Variants in FLRT2 observed in about 807,000 individuals in gnomAD.
FLRT2 encodes the protein fibronectin leucine rich transmembrane protein 2, also known as leucine-rich repeat transmembrane protein FLRT2.
In FLRT2, 15 loss-of-function variants were observed where a neutral mutation model predicts 40.0. The ratio of observed to expected loss-of-function variants is 0.38; its 90% confidence interval spans 0.25 to 0.58. The LOEUF is 0.58. Among genes scored for constraint, FLRT2 ranks in the 20% least tolerant of loss-of-function variants. The probability of loss-of-function intolerance (pLI) is 0.71; values close to 1 mark genes in which losing one functional copy is unlikely to be tolerated. For synonymous variants in FLRT2, 380 were observed against 336.8 expected (o/e 1.13, Z -1.41); for missense variants, 726 against 840.0 (o/e 0.86, Z 1.68).
rs1282453244 is a variant in FLRT2, at chr14:85,645,595, T to C, written c.*22098T>C. 6.6e-6 allele frequency: 1 copy of C among 152,044 alleles called. No homozygotes were observed. Among genetic ancestry groups the C allele is most frequent in the Non-Finnish European group, 1.5e-5 (1 of 67,998 alleles). The allele number at this position is 152,044 out of a possible 1,614,324, so 9.4% of individuals were successfully genotyped here. ...TAAGGAGACTTAGGGAAGAAATACG[T>C]GTTAAGGATTGTTCATAAGTGGCAG... On this transcript the variant is annotated 3_prime_UTR_variant, in exon 2 of 2. Coordinates refer to ENST00000330753, the MANE Select transcript of FLRT2 (RefSeq NM_013231.6).
chr14:85,555,734 T>TTATTTTATTTTATTTTATTTTA (rs1566725213), intron 1 of FLRT2, among the ~76,000 whole-genome samples: 2 of 148,236 alleles, frequency 1.3e-5, no homozygotes, highest in Non-Finnish European at 1.5e-5. Context: ...TTATTTTATT[T>TTATTTTATTTTATTTTATTTTA]TTTTAGAGAT....
In FLRT2 at chr14:85,624,899, A is replaced by G. The variant is rs776245690; in HGVS notation, c.*1402A>G. 1 of 167,056 alleles carries G rather than the reference A, an allele frequency of 6.0e-6. No individual in the cohort carries two copies. The highest frequency in any genetic ancestry group is 1.5e-5 in the Non-Finnish European group (1 of 68,112). 10.3% of individuals were successfully genotyped at this position (167,056 alleles called of 1,614,324 possible). On this transcript the variant is annotated 3_prime_UTR_variant, in exon 2 of 2. Transcript: ENST00000330753. ...CTTGGACTGACTTTGATCCTGTTCC[A>G]CTTTTGAAATTTTATTTGTTCCTTT...
chr14:85,612,159 A>T, intron 1 of FLRT2, among the ~76,000 whole-genome samples: 1 of 136,542 alleles, frequency 7.3e-6, no homozygotes, highest in Admixed American at 7.4e-5. Flanking sequence ...AAAAAAAAAA[A>T]CACAGTTAAG....
In FLRT2 at chr14:85,631,112, T is replaced by TTATATATATATATATTTATATATA; in HGVS notation, c.*7630_*7631insTTATATATATATATATATATATAT. The TTATATATATATATATTTATATATA allele has an allele frequency of 1.1e-5, 1 of 91,862 alleles. No individual in the cohort carries two copies. The highest frequency in any genetic ancestry group is 3.6e-4 in the East Asian group (1 of 2,796). The allele number at this position is 91,862 out of a possible 1,614,324, so 5.7% of individuals were successfully genotyped here. Reference sequence around the variant, plus strand: ...TATAATTACATATATAATCTAGATTTTATATATATATATATATGAAATGAG... The same window carrying TTATATATATATATATTTATATATA: ...TATAATTACATATATAATCTAGATTTTATATATATATATATTTATATATATATATATATATATATATGAAATGAG... On this transcript the variant is annotated 3_prime_UTR_variant, in exon 2 of 2. Transcript: ENST00000330753.
chr14:85,621,506 A>T lies in FLRT2; in HGVS notation c.-9A>T, dbSNP rs1415122242. ...CCACCACATTGTATTTTATTTCCGT[A>T]CTTCAGAAATGGGCCTACAGACCAC... On this transcript the variant is annotated 5_prime_UTR_variant, in exon 2 of 2. Coordinates refer to ENST00000330753, the MANE Select transcript of FLRT2 (RefSeq NM_013231.6). The T allele has an allele frequency of 9.0e-6, 14 of 1,559,472 alleles. No homozygotes were observed. Among genetic ancestry groups the T allele is most frequent in the Non-Finnish European group, 1.2e-5 (14 of 1,156,794 alleles).
At chr14:85,590,283 G>A (rs560365208) in intron 1 of FLRT2, among the ~76,000 whole-genome samples, 3 of 152,156 alleles carry the variant, frequency 2.0e-5, no homozygotes, top group South Asian at 2.1e-4. Flanking sequence ...TTTGCTAGCC[G>A]TGTGACAGAG....
chr14:85,620,931 A>G (rs1893352012), intron 1 of FLRT2, among the ~76,000 whole-genome samples: 1 of 152,242 alleles, frequency 6.6e-6, no homozygotes, highest in Admixed American at 6.5e-5. Context: ...AGGTAATAGC[A>G]TGATGTCCTT....
At chr14:85,613,163 T>C (rs1892971469) in intron 1 of FLRT2, among the ~76,000 whole-genome samples, 1 of 152,034 alleles carries the variant, frequency 6.6e-6, no homozygotes, top group African/African-American at 2.4e-5. Flanking sequence ...ATATTGTTAT[T>C]ATATAAGTAA....
intron 1 of FLRT2, among the ~76,000 whole-genome samples, chr14:85,536,305 A>T (rs1888655706): frequency 6.6e-6 from 1 of 151,974 alleles, no homozygotes; most frequent in Non-Finnish European, 1.5e-5. Flanking sequence ...GTAGAGACCC[A>T]GTGTGAACAT....
intron 1 of FLRT2, among the ~76,000 whole-genome samples, chr14:85,578,708 C>T (rs1000716795): frequency 2.0e-5 from 3 of 152,110 alleles, no homozygotes; most frequent in African/African-American, 7.2e-5. Context: ...ATTTACTTTA[C>T]GTACCTCAAC....
chr14:85,544,592 A>C (rs1229161281), intron 1 of FLRT2, among the ~76,000 whole-genome samples: 1 of 152,164 alleles, frequency 6.6e-6, no homozygotes. Flanking sequence ...GAAGGCTAGA[A>C]ATCACAACGC....
chr14:85,584,913 G>C (rs758661247), intron 1 of FLRT2, among the ~76,000 whole-genome samples: 1 of 151,902 alleles, frequency 6.6e-6, no homozygotes, highest in Non-Finnish European at 1.5e-5. Context: ...GGCATAGAGT[G>C]GGGGTGGGAG....
intron 1 of FLRT2, among the ~76,000 whole-genome samples, chr14:85,566,377 C>T (rs1207580345): frequency 7.2e-5 from 11 of 152,112 alleles, no homozygotes; most frequent in Non-Finnish European, 1.3e-4. Flanking sequence ...AAGAAGCAAA[C>T]ATAACAAAGT....
At chr14:85,589,993 T>C (rs573480155) in intron 1 of FLRT2, among the ~76,000 whole-genome samples, 25 of 152,280 alleles carry the variant, frequency 1.6e-4, no homozygotes, top group African/African-American at 5.3e-4. Flanking sequence ...CTGTTTTGGT[T>C]ACTATAGCTC....
chr14:85,567,634 C>CTTTTTTTT (rs1566732052), intron 1 of FLRT2, among the ~76,000 whole-genome samples: 1 of 126,108 alleles, frequency 7.9e-6, no homozygotes. Context: ...AAGTGACTTA[C>CTTTTTTTT]ATTTTTTTTT....
intron 1 of FLRT2, among the ~76,000 whole-genome samples, chr14:85,590,070 T>C (rs1164808518): frequency 6.6e-6 from 1 of 151,938 alleles, no homozygotes; most frequent in African/African-American, 2.4e-5. Flanking sequence ...TTTTTTTTTT[T>C]TTTAAACATA....
At position 85,622,904 on chromosome 14, in the gene FLRT2, G is replaced by C; in HGVS notation, c.1390G>C (p.Gly464Arg). 1 of 1,614,174 alleles carries C rather than the reference G, an allele frequency of 6.2e-7. No individual in the cohort carries two copies. The highest frequency in any genetic ancestry group is 8.5e-7 in the Non-Finnish European group (1 of 1,180,028). ...GAAAATGGGCCACAGTTTAGTAGGG[G>C]GCATCGTTCAGGAGCGCATAGTCAG... is the stretch of plus-strand genomic sequence containing the variant. ...WVKMGHSLVG[G>R]IVQERIVSGE... The change falls in exon 2 of 2, where the codon GGC becomes CGC. Residue 464 changes from glycine (G) to arginine (R), a missense_variant. Gly to Arg is a moderately radical substitution (Grantham distance 125). Around this residue, in one of 3 missense-constraint regions of FLRT2, gnomAD observed 611 missense variants for 690.0 expected, o/e 0.89. Transcript: ENST00000330753.
At chr14:85,575,131 T>A (rs1313315803) in intron 1 of FLRT2, among the ~76,000 whole-genome samples, 5 of 152,154 alleles carry the variant, frequency 3.3e-5, no homozygotes, top group African/African-American at 1.2e-4. Context: ...CAAATGTGAT[T>A]TTCTAGGCCC....
chr14:85,596,140 T>G (rs1376406239), intron 1 of FLRT2, among the ~76,000 whole-genome samples: 2 of 152,186 alleles, frequency 1.3e-5, no homozygotes, highest in African/African-American at 4.8e-5. Context: ...AATGACTCCC[T>G]GCATAGGGCA....
Sources: gnomAD v4.1 joint callset for allele counts (sites outside exome capture counted in the v4.1 genomes callset) on GRCh38, gnomAD v4.1.1 for gene constraint, gnomAD v4.1.1 regional missense constraint, MANE v1.5 for transcripts, NCBI Gene and HGNC (gene_info 2026-07-23, HGNC 2026-07-21) for gene names.